SYNE1: variants seen among roughly 807,000 people sequenced by gnomAD.
SYNE1 encodes the protein nesprin-1.
A neutral mutation model predicts 1,111.0 loss-of-function variants in SYNE1; 616 were observed. That is an observed-to-expected ratio of 0.55 (90% confidence interval 0.52 to 0.59). The LOEUF (loss-of-function observed/expected upper bound fraction) is 0.59. SYNE1 is among the 20% of genes least tolerant of loss of function. The pLI is 0.00. For missense variants in SYNE1, 10,006 were observed against 10,417.0 expected, an observed-to-expected ratio of 0.96 and a Z score of 1.72; for synonymous variants, 3,855 against 3,825.8, an observed-to-expected ratio of 1.01 and a Z score of -0.28.
Position 152,396,948 on chromosome 6 carries a change from G to C in SYNE1, c.7383C>G (p.Ser2461Arg). The C allele has an allele frequency of 6.2e-7, 1 of 1,614,168 alleles. No homozygotes were observed. Among genetic ancestry groups the C allele is most frequent in the Non-Finnish European group, 8.5e-7 (1 of 1,180,016 alleles). The change falls in exon 50 of 146, where the codon AGC becomes AGG. Residue 2461 changes from serine to arginine, a missense_variant. By Grantham distance (110) the Ser-to-Arg change is moderately radical. Transcript: ENST00000367255. ...CTTCTTGAGTCACTGCATCAAGTTT[G>C]CTCTGCCCATCACTGACTGAGTCCA... The part of the protein sequence containing the change: ...NILDSVSDGQ[S>R]KLDAVTQEGQ...
intron 27 of SYNE1, 101 bp from the exon 28 acceptor site, chr6:152,449,742 G>A (rs1306673925): frequency 1.1e-6 from 1 of 925,594 alleles, no homozygotes; most frequent in East Asian, 2.5e-5. Context: ...TAACAATTAA[G>A]TGATTACCAA....
intron 105 of SYNE1, among the ~76,000 whole-genome samples, chr6:152,245,105 A>G (rs1038819148): frequency 6.6e-6 from 1 of 152,212 alleles, no homozygotes; most frequent in Non-Finnish European, 1.5e-5. Context: ...CATATATTAC[A>G]GCATGGTCAA....
At chr6:152,492,227 C>A (rs1046916998) in intron 11 of SYNE1, among the ~76,000 whole-genome samples, 2 of 152,196 alleles carry the variant, frequency 1.3e-5, no homozygotes, top group Non-Finnish European at 2.9e-5. Context: ...ACTACTCAAC[C>A]CACTCCCAAC....
intron 4 of SYNE1, among the ~76,000 whole-genome samples, chr6:152,529,688 G>A (rs771126361): frequency 2.0e-5 from 3 of 152,174 alleles, no homozygotes; most frequent in Non-Finnish European, 4.4e-5. Context: ...GAGAAACTAT[G>A]CACAGTCTTT....
chr6:152,608,034 G>A (rs2099620892), intron 3 of SYNE1, among the ~76,000 whole-genome samples: 1 of 152,122 alleles, frequency 6.6e-6, no homozygotes, highest in South Asian at 2.1e-4. Context: ...GGCCTGTTGA[G>A]GGGTGAGGGG....
At chr6:152,204,962 A>T (rs1481349749) in intron 126 of SYNE1, among the ~76,000 whole-genome samples, 2 of 152,208 alleles carry the variant, frequency 1.3e-5, no homozygotes, top group African/African-American at 2.4e-5. Flanking sequence ...CTTTCCTAAA[A>T]GCAAAAGGAA....
intron 130 of SYNE1, 90 bp from the exon 131 acceptor site, chr6:152,164,415 AT>A: frequency 1.3e-6 from 2 of 1,487,588 alleles, no homozygotes; most frequent in Non-Finnish European, 1.9e-6. Context: ...GGCTTTAACA[AT>A]CTTTTTAGGC....
At chr6:152,445,512 A>G (rs915398155) in intron 29 of SYNE1, among the ~76,000 whole-genome samples, 1 of 152,106 alleles carries the variant, frequency 6.6e-6, no homozygotes, top group Non-Finnish European at 1.5e-5. Context: ...TGTTTTCCAC[A>G]GAAGCCTTCC....
chr6:152,427,489 A>C, intron 38 of SYNE1: 1 of 629,774 alleles, frequency 1.6e-6, no homozygotes, highest in Non-Finnish European at 2.7e-6. Context: ...TGATCATCAC[A>C]AAGTTCTCAT....
chr6:152,524,544 C>T (rs1249039070), intron 5 of SYNE1, among the ~76,000 whole-genome samples: 1 of 151,948 alleles, frequency 6.6e-6, no homozygotes, highest in Admixed American at 6.6e-5. Flanking sequence ...CAACCTAATG[C>T]TTATCTAGTA....
intron 137 of SYNE1, 78 bp downstream of exon 137, chr6:152,147,967 A>G (rs1316061471): frequency 8.3e-7 from 1 of 1,204,366 alleles, no homozygotes; most frequent in South Asian, 1.2e-5. Flanking sequence ...GATTCTGGAT[A>G]GCTGTCATGT....
At chr6:152,256,546 C>A in intron 102 of SYNE1, 88 bp downstream of exon 102, 1 of 1,572,072 alleles carries the variant, frequency 6.4e-7, no homozygotes, top group Non-Finnish European at 8.7e-7. Context: ...GGGGTGGATG[C>A]AACAGTCTCA....
chr6:152,518,169 C>A (rs1460908826), intron 6 of SYNE1, among the ~76,000 whole-genome samples: 1 of 150,744 alleles, frequency 6.6e-6, no homozygotes, highest in Non-Finnish European at 1.5e-5. Flanking sequence ...AAATCCTGTT[C>A]TCTAGTTTGT....
intron 127 of SYNE1, among the ~76,000 whole-genome samples, chr6:152,193,018 T>C (rs924885487): frequency 2.6e-5 from 4 of 152,172 alleles, no homozygotes; most frequent in Admixed American, 1.3e-4. Flanking sequence ...TTTAATCCAT[T>C]TAGTCACTCA....
At position 152,244,645 on chromosome 6, in the gene SYNE1, C is replaced by T; in HGVS notation, c.19584G>A (p.Gln6528=). The change falls in exon 106 of 146, where the codon CAG becomes CAA. Residue 6528 remains glutamine (Q), a synonymous_variant. Transcript: ENST00000367255. ...PVAEQIEAIQ[Q]AEDGLKEFDA... ...CAAATTCTTTGAGTCCATCTTCAGC[C>T]TGTTGTATTGCCTAAGTAAGATCCA... 6.2e-7 allele frequency: 1 copy of T among 1,613,926 alleles called. No homozygotes were observed. Among genetic ancestry groups the T allele is most frequent in the Non-Finnish European group, 8.5e-7 (1 of 1,179,892 alleles).
At chr6:152,382,681 C>A (rs920428401) in intron 55 of SYNE1, among the ~76,000 whole-genome samples, 2 of 152,126 alleles carry the variant, frequency 1.3e-5, no homozygotes, top group African/African-American at 4.8e-5. Context: ...AACTTTTTAA[C>A]CAGTGCTATG....
rs151016214 is a variant in SYNE1 at position 152,233,636 on chromosome 6, T to G, written c.20712+145A>C. The G allele has an allele frequency of 1.5e-3, 1,603 of 1,057,078 alleles. 11 individuals are homozygous for G. The African/African-American group carries it at 0.023, about 15-fold the overall frequency. The allele number at this position is 1,057,078 out of a possible 1,614,324, so 65.5% of individuals were successfully genotyped here. On this transcript the variant is annotated intron_variant, in intron 112 of 145. Coordinates refer to ENST00000367255, the MANE Select transcript of SYNE1 (RefSeq NM_182961.4). ...CACCGCGCCCGGCCAGAGTTCACTCTTAATATTAATACAACGGGAGAGAGA... is the reference window on the plus strand; with the variant it reads ...CACCGCGCCCGGCCAGAGTTCACTCGTAATATTAATACAACGGGAGAGAGA...
At chr6:152,210,008 T>C (rs58745145) in intron 124 of SYNE1, among the ~76,000 whole-genome samples, 9,692 of 152,188 alleles carry the variant, frequency 0.064, 418 homozygotes, top group African/African-American at 0.12. Context: ...CCACCCTCTC[T>C]TGATACAACC....
intron 9 of SYNE1, among the ~76,000 whole-genome samples, chr6:152,504,055 A>G (rs2099044156): frequency 6.6e-6 from 1 of 152,164 alleles, no homozygotes; most frequent in African/African-American, 2.4e-5. Context: ...TAATCATCAA[A>G]GAAAATATTA....
Sources: allele counts gnomAD v4.1 joint callset (sites outside exome capture counted in the v4.1 genomes callset), GRCh38; gene constraint gnomAD v4.1.1; transcripts MANE v1.5; gene names NCBI Gene and HGNC (gene_info 2026-07-23, HGNC 2026-07-21).